RTN3: variants seen among roughly 807,000 people sequenced by gnomAD.
RTN3 encodes reticulon-3.
RTN3 carries 49 observed loss-of-function variants against 77.8 expected under a neutral mutation model. The observed-to-expected ratio is 0.63, with a 90% CI of 0.50 to 0.80. The LOEUF (loss-of-function observed/expected upper bound fraction) is 0.80, where lower values mean the gene tolerates loss of function less well. Among genes scored for constraint, RTN3 ranks in the 30% least tolerant of loss-of-function variants. RTN3 has a pLI of 0.00. For synonymous variants in RTN3, 464 were observed against 446.9 expected, an observed-to-expected ratio of 1.04 and a Z score of -0.48; for missense variants, 1,236 against 1,211.9, an observed-to-expected ratio of 1.02 and a Z score of -0.29.
chr11:63,713,048 TCA>T (rs1164436951), intron 2 of RTN3, among the ~76,000 whole-genome samples: 4 of 152,046 alleles, frequency 2.6e-5, no homozygotes, highest in Non-Finnish European at 5.9e-5. Flanking sequence ...TGAGCCAAGG[TCA>T]CACCATTGCA....
rs546823017 is a variant in RTN3, at chr11:63,754,022, G to A, written c.2994+314G>A. Among the ~76,000 whole-genome samples the A allele has an allele frequency of 6.6e-5, 10 of 152,324 alleles. No individual in the cohort carries two copies. The South Asian group carries it at 2.1e-3, about 32-fold the overall frequency. On this transcript the variant is annotated intron_variant, in intron 7 of 8. Transcript: ENST00000377819. ...AAAAATGCTTAGGCCAGGGGTGGTG[G>A]CTTGTGCCTGTAATCCCAGCACTTT...
intron 3 of RTN3, 58 bp from the exon 4 acceptor site, chr11:63,749,933 G>A: frequency 8.0e-7 from 1 of 1,246,618 alleles, no homozygotes; most frequent in Non-Finnish European, 1.2e-6. Context: ...CCACAGGTAT[G>A]CAAGACATAG....
Position 63,755,193 on chromosome 11 carries a change from C to T in RTN3, c.2995-919C>T, listed in dbSNP as rs544582955. 5.2e-4 allele frequency among the ~76,000 whole-genome samples: 79 copies of T among 152,176 alleles called. 1 individual carries two copies. Among genetic ancestry groups the T allele is most frequent in the Non-Finnish European group, 9.3e-4 (63 of 68,008 alleles). On this transcript the variant is annotated intron_variant, in intron 7 of 8. Transcript: ENST00000377819. ...GATGACAGAAAATAGATTAGACACA[C>T]AGTTTCTAGTCATTGGAAACTGTTA...
rs145446558 is a variant in RTN3 at position 63,757,577 on chromosome 11, T to G, written c.3054-579T>G. Among the ~76,000 whole-genome samples the G allele has an allele frequency of 3.4e-3, 510 of 152,208 alleles. 5 individuals are homozygous for G. Among genetic ancestry groups the G allele is most frequent in the African/African-American group, 0.012 (490 of 41,544 alleles). On this transcript the variant is annotated intron_variant, in intron 8 of 8. Transcript: ENST00000377819. ...TCTCACTATGTTGCCCAGGCCAGGC[T>G]TTAACTTCTGGCTTCAAGTGATCCT...
intron 1 of RTN3, among the ~76,000 whole-genome samples, chr11:63,701,469 A>G (rs1481616396): frequency 6.6e-6 from 1 of 152,184 alleles, no homozygotes; most frequent in African/African-American, 2.4e-5. Flanking sequence ...AACTCAGGGT[A>G]TGAGCCAGAG....
chr11:63,684,129 G>GTTTTTTTTTTTTTTTT lies in RTN3; in HGVS notation c.142+2361_142+2376dup, dbSNP rs61663789. On this transcript the variant is annotated intron_variant, in intron 1 of 8. Transcript: ENST00000377819. ...ACCACGCGTGGTTAATTTTCTTTTG[G>GTTTTTTTTTTTTTTTT]TTTTTTTTTTTTTTTTTTTTTTTTT... is the stretch of plus-strand genomic sequence containing the variant. Among the ~76,000 whole-genome samples, 36 of 85,260 alleles carry GTTTTTTTTTTTTTTTT rather than the reference G, an allele frequency of 4.2e-4. 1 individual carries two copies. Among genetic ancestry groups the GTTTTTTTTTTTTTTTT allele is most frequent in the African/African-American group, 1.5e-3 (29 of 19,062 alleles). The allele number at this position is 85,260 out of a possible 152,430, so 55.9% of individuals were successfully genotyped here. A position where few individuals can be genotyped will look rare whatever the true frequency, so the allele number is the denominator to read the frequency against.
intron 3 of RTN3, among the ~76,000 whole-genome samples, chr11:63,734,734 AACACACACACACACACACACACAC>A (rs754454322): frequency 1.2e-5 from 1 of 81,226 alleles, no homozygotes; most frequent in African/African-American, 3.7e-5. Flanking sequence ...TCTGTCTCAA[AACACACACACACACACACACACAC>A]ACACACACAC....
intron 1 of RTN3, among the ~76,000 whole-genome samples, chr11:63,700,950 TGTG>T (rs1182192632): frequency 2.6e-5 from 4 of 151,224 alleles, no homozygotes; most frequent in Admixed American, 2.0e-4. Flanking sequence ...ATTAGCCAGG[TGTG>T]GTGGTGCGCG....
At chr11:63,754,919 C>CT (rs1315154001) in intron 7 of RTN3, among the ~76,000 whole-genome samples, 1 of 64,872 alleles carries the variant, frequency 1.5e-5, no homozygotes, top group Non-Finnish European at 2.6e-5. Context: ...CAGGGAGACT[C>CT]TGTCTCAAAA....
Position 63,720,894 on chromosome 11 carries a change from A to G in RTN3, c.2392A>G (p.Lys798Glu). The G allele has an allele frequency of 6.2e-7, 1 of 1,614,136 alleles. No homozygotes were observed. The highest frequency in any genetic ancestry group is 1.1e-5 in the South Asian group (1 of 91,078). ...RSYDILERNV[K>E]NGSDLGISQK... The stretch of plus-strand genomic sequence containing the variant: ...ATATGACATCCTAGAACGTAATGTC[A>G]AGAATGGATCTGATCTTGGGATTTC... Residue 798 changes from lysine (K) to glutamate (E), a missense_variant, in exon 3 of 9, where the codon AAG becomes GAG. This residue lies in a region of RTN3 where 1,056 missense variants were observed against 990.4 expected (regional missense o/e 1.07). Coordinates refer to ENST00000377819, the MANE Select transcript of RTN3 (RefSeq NM_001265589.2).
At chr11:63,706,543 C>T (rs1332395326) in intron 2 of RTN3, among the ~76,000 whole-genome samples, 1 of 152,102 alleles carries the variant, frequency 6.6e-6, no homozygotes, top group Non-Finnish European at 1.5e-5. Flanking sequence ...TTAGAACCCC[C>T]AATTCCTTTA....
rs1413118104 is a variant in RTN3 at position 63,719,553 on chromosome 11, C to G, written c.1051C>G (p.Gln351Glu). The change falls in exon 3 of 9, where the codon CAG (glutamine) becomes GAG (glutamate). Residue 351 changes from glutamine (Q) to glutamate (E), a missense_variant. Physicochemically the swap from Gln to Glu is conservative, Grantham distance 29. Around this residue, in one of 3 missense-constraint regions of RTN3, gnomAD observed 1,056 missense variants for 990.4 expected, o/e 1.07. Transcript: ENST00000377819. ...GGATCTGGTTCCCCAAGTGAAACAA[C>G]AGACCGATAAATCTTCTGACTGCAT... ...TWDLVPQVKQ[Q>E]TDKSSDCITK... 2 of 1,614,154 alleles carry G rather than the reference C, an allele frequency of 1.2e-6. No homozygotes were observed. Among genetic ancestry groups the G allele is most frequent in the South Asian group, 1.1e-5 (1 of 91,086 alleles).
At chr11:63,725,957 C>T (rs1450689462) in intron 3 of RTN3, among the ~76,000 whole-genome samples, 1 of 151,874 alleles carries the variant, frequency 6.6e-6, no homozygotes, top group Non-Finnish European at 1.5e-5. Context: ...ATGGTGGGTG[C>T]TAAAGTGGAA....
intron 2 of RTN3, among the ~76,000 whole-genome samples, chr11:63,711,388 T>A (rs1312361472): frequency 6.6e-6 from 1 of 151,750 alleles, no homozygotes; most frequent in Non-Finnish European, 1.5e-5. Context: ...TTTTTTATTT[T>A]TTTTTTGTTA....
chr11:63,738,632 T>TA (rs60275741), intron 3 of RTN3, among the ~76,000 whole-genome samples: 99,746 of 138,676 alleles, frequency 0.72, 36,599 homozygotes, highest in East Asian at 0.96. Flanking sequence ...ACCCTGTCTT[T>TA]AAAAAAAAAA....
At chr11:63,725,432 C>CT (rs552733896) in intron 3 of RTN3, among the ~76,000 whole-genome samples, 20,655 of 146,218 alleles carry the variant, frequency 0.14, 1,692 homozygotes, top group South Asian at 0.27. Flanking sequence ...TAACATTCTT[C>CT]TTTTTTTTTT....
intron 3 of RTN3, among the ~76,000 whole-genome samples, chr11:63,731,684 C>T (rs117806539): frequency 0.1 from 15,753 of 152,026 alleles, 984 homozygotes; most frequent in South Asian, 0.16. Context: ...GATGAACTCT[C>T]GCTCTGTCAC....
chr11:63,686,785 T>G (rs1015688517), intron 1 of RTN3, among the ~76,000 whole-genome samples: 5 of 152,032 alleles, frequency 3.3e-5, no homozygotes, highest in African/African-American at 1.2e-4. Flanking sequence ...GAGCTGAGAT[T>G]GTGCCATTGC....
At chr11:63,696,985 C>T (rs1325666565) in intron 1 of RTN3, among the ~76,000 whole-genome samples, 21 of 141,860 alleles carry the variant, frequency 1.5e-4, no homozygotes, top group African/African-American at 3.1e-4. Flanking sequence ...CCCGGGTTCA[C>T]GCCATTCTCC....
Sources: allele counts gnomAD v4.1 joint callset (sites outside exome capture counted in the v4.1 genomes callset), GRCh38; gene constraint gnomAD v4.1.1; regional missense constraint gnomAD v4.1.1; transcripts MANE v1.5; gene names NCBI Gene and HGNC (gene_info 2026-07-23, HGNC 2026-07-21).